ANO10: variants seen among roughly 807,000 people sequenced by gnomAD.
The protein encoded by ANO10 is anoctamin-10.
A neutral mutation model predicts 74.7 loss-of-function variants in ANO10; 77 were observed. That is an observed-to-expected ratio of 1.03 (90% CI 0.86 to 1.25). ANO10 has a LOEUF of 1.25. Ranked by LOEUF, ANO10 falls within the 50% of genes most tolerant of loss-of-function variation. The probability of loss-of-function intolerance (pLI) is 0.00; values close to 1 mark genes in which losing one functional copy is unlikely to be tolerated. For missense variants in ANO10, 721 were observed against 778.1 expected (o/e 0.93, Z 0.87); for synonymous variants, 279 against 284.9 (o/e 0.98, Z 0.21).
chr3:43,433,379 A>G (rs760845742), intron 11 of ANO10, among the ~76,000 whole-genome samples: 1 of 152,122 alleles, frequency 6.6e-6, no homozygotes, highest in Non-Finnish European at 1.5e-5. Context: ...TTAGTATACA[A>G]TATTTGTTGT....
chr3:43,473,547 A>T (rs1165428032), intron 11 of ANO10, among the ~76,000 whole-genome samples: 1 of 152,120 alleles, frequency 6.6e-6, no homozygotes, highest in Non-Finnish European at 1.5e-5. Context: ...GACTTTTCTC[A>T]TGTGTCAATT....
intron 2 of ANO10, among the ~76,000 whole-genome samples, chr3:43,601,169 A>C (rs189849157): frequency 6.6e-6 from 1 of 152,326 alleles, no homozygotes; most frequent in East Asian, 1.9e-4. Context: ...TTATTACTTA[A>C]AAGATTATAA....
chr3:43,438,454 A>AT (rs1440549021), intron 11 of ANO10, among the ~76,000 whole-genome samples: 1 of 151,872 alleles, frequency 6.6e-6, no homozygotes, highest in Non-Finnish European at 1.5e-5. Context: ...ATTAAAAAAA[A>AT]AAAAATTCAG....
chr3:43,676,464 A>G (rs1328825251), intron 1 of ANO10, among the ~76,000 whole-genome samples: 1 of 152,116 alleles, frequency 6.6e-6, no homozygotes, highest in African/African-American at 2.4e-5. Context: ...TCTCAAAAAA[A>G]AAATGTTTTT....
chr3:43,382,448 G>T (rs1446388185), intron 12 of ANO10, among the ~76,000 whole-genome samples: 2 of 151,486 alleles, frequency 1.3e-5, no homozygotes, highest in Non-Finnish European at 2.9e-5. Context: ...GAACCCGGGA[G>T]GCGGAGCTTG....
At chr3:43,644,386 A>T (rs2083705708) in intron 1 of ANO10, among the ~76,000 whole-genome samples, 1 of 152,174 alleles carries the variant, frequency 6.6e-6, no homozygotes, top group African/African-American at 2.4e-5. Flanking sequence ...AGAAGCAAAC[A>T]TGGGGGTGGG....
chr3:43,571,993 G>A (rs1156277220), intron 7 of ANO10, among the ~76,000 whole-genome samples: 2 of 151,912 alleles, frequency 1.3e-5, no homozygotes, highest in Admixed American at 6.6e-5. Flanking sequence ...AACCAAAGGA[G>A]AACTCTGAAA....
intron 1 of ANO10, among the ~76,000 whole-genome samples, chr3:43,619,558 C>T (rs1288125524): frequency 6.6e-6 from 1 of 151,926 alleles, no homozygotes; most frequent in Non-Finnish European, 1.5e-5. Flanking sequence ...TAAAAAGAGC[C>T]TCTTCCAGGG....
intron 10 of ANO10, among the ~76,000 whole-genome samples, chr3:43,553,535 CTCTCT>C (rs1167085931): frequency 1.0e-4 from 11 of 108,998 alleles, no homozygotes; most frequent in African/African-American, 3.7e-4. Flanking sequence ...TGGATAATTT[CTCTCT>C]TTTTTTTTTT....
rs373562800 is a variant in ANO10 at position 43,510,889 on chromosome 3, G to C, written c.1797+38831C>G. 7.9e-5 allele frequency among the ~76,000 whole-genome samples: 12 copies of C among 152,228 alleles called. No individual in the cohort carries two copies. The South Asian group carries it at 1.4e-3, about 18-fold the overall frequency. ...ATTCTGTATGCTATTCATATCTCCA[G>C]CTACAGTTGAAAAAACGATATTTTA... On this transcript the variant is annotated intron_variant, in intron 11 of 12. Coordinates refer to ENST00000292246, the MANE Select transcript of ANO10 (RefSeq NM_018075.5).
intron 11 of ANO10, among the ~76,000 whole-genome samples, chr3:43,478,572 T>C (rs1228376007): frequency 6.6e-6 from 1 of 152,218 alleles, no homozygotes; most frequent in African/African-American, 2.4e-5. Flanking sequence ...AGAAAAATAG[T>C]GGCTCTGTCT....
At chr3:43,577,513 T>G (rs890102590) in intron 5 of ANO10, among the ~76,000 whole-genome samples, 1 of 152,054 alleles carries the variant, frequency 6.6e-6, no homozygotes, top group Non-Finnish European at 1.5e-5. Context: ...GCCTGGACTC[T>G]GTTTCCCCTC....
At chr3:43,386,780 A>G (rs2092133194) in intron 12 of ANO10, among the ~76,000 whole-genome samples, 1 of 151,890 alleles carries the variant, frequency 6.6e-6, no homozygotes, top group South Asian at 2.1e-4. Context: ...CCAGCAACCC[A>G]CATGCATCCC....
Position 43,576,750 on chromosome 3 carries a change from A to G in ANO10, c.1104T>C (p.Ile368=). The G allele has an allele frequency of 6.2e-7, 1 of 1,614,162 alleles. No homozygotes were observed. Among genetic ancestry groups the G allele is most frequent in the Non-Finnish European group, 8.5e-7 (1 of 1,180,026 alleles). ...AGAGACGATTCATGATCTCAATCAC[A>G]ATGGCATAGATGATGCTGGGCACAT... is the stretch of plus-strand genomic sequence containing the variant. ...LLYVPSIIYA[I]VIEIMNRLYR... Residue 368 remains isoleucine (I), a synonymous_variant, in exon 6 of 13, where the codon ATT becomes ATC. Transcript: ENST00000292246.
intron 11 of ANO10, among the ~76,000 whole-genome samples, chr3:43,515,509 T>G (rs2077673856): frequency 6.6e-6 from 1 of 152,192 alleles, no homozygotes; most frequent in Non-Finnish European, 1.5e-5. Flanking sequence ...GGGCTTGGCC[T>G]CCATAACTGC....
chr3:43,682,513 T>C (rs1344886725), intron 1 of ANO10, among the ~76,000 whole-genome samples: 2 of 152,218 alleles, frequency 1.3e-5, no homozygotes, highest in African/African-American at 4.8e-5. Context: ...AAGGAGGAAC[T>C]GGTACCATTC....
At chr3:43,636,244 G>A (rs1167360513) in intron 1 of ANO10, 1 of 152,204 alleles carries the variant, frequency 6.6e-6, no homozygotes, top group Non-Finnish European at 1.5e-5. Flanking sequence ...ACCAGCATAG[G>A]AGACACCTGC....
chr3:43,640,296 C>G (rs138436346), intron 1 of ANO10, among the ~76,000 whole-genome samples: 1 of 152,200 alleles, frequency 6.6e-6, no homozygotes, highest in Admixed American at 6.5e-5. Context: ...TCAACCAAGT[C>G]CATTCTGTTG....
Position 43,561,554 on chromosome 3 carries a change from T to C in ANO10, c.1294-152A>G. 6 of 755,446 alleles carry C rather than the reference T, an allele frequency of 7.9e-6. 1 individual carries two copies. The South Asian group carries it at 1.0e-4, about 13-fold the overall frequency. The allele number at this position is 755,446 out of a possible 1,614,324, so 46.8% of individuals were successfully genotyped here. On this transcript the variant is annotated intron_variant, in intron 8 of 12. Transcript: ENST00000292246. ...GGAATCTTCAATAAATAGCATACTA[T>C]TGTGTTATAAAAACTAGTATTAGAA...
Sources: allele counts gnomAD v4.1 joint callset (sites outside exome capture counted in the v4.1 genomes callset), GRCh38; gene constraint gnomAD v4.1.1; transcripts MANE v1.5; gene names NCBI Gene and HGNC (gene_info 2026-07-23, HGNC 2026-07-21).